HHAT: variants seen among roughly 807,000 people sequenced by gnomAD.
HHAT encodes the protein protein-cysteine N-palmitoyltransferase HHAT.
Under a neutral mutation model 70.8 loss-of-function variants are expected in HHAT, and 47 were observed. The observed-to-expected ratio is 0.66, with a 90% CI of 0.53 to 0.85. The LOEUF is 0.85. Ranked by LOEUF, HHAT falls within the 40% of genes least tolerant of loss-of-function variation. The pLI, the probability that HHAT is intolerant of heterozygous loss-of-function variation, is 0.00. For synonymous variants in HHAT, 228 were observed against 247.6 expected (o/e 0.92, Z 0.74); for missense variants, 609 against 604.8 (o/e 1.01, Z -0.07).
At chr1:210,524,171 G>A (rs186473261) in intron 9 of HHAT, among the ~76,000 whole-genome samples, 14 of 152,330 alleles carry the variant, frequency 9.2e-5, no homozygotes, top group South Asian at 4.1e-4. Context: ...ACTGTACAGC[G>A]TGTGCCTGTA....
intron 11 of HHAT, among the ~76,000 whole-genome samples, chr1:210,635,386 A>T (rs970591739): frequency 2.6e-5 from 4 of 152,242 alleles, no homozygotes; most frequent in Non-Finnish European, 1.5e-5. Context: ...TGTGCACTTC[A>T]TCCTTAGTAG....
At chr1:210,376,814 G>A (rs1219557137) in intron 3 of HHAT, among the ~76,000 whole-genome samples, 3 of 152,248 alleles carry the variant, frequency 2.0e-5, no homozygotes, top group African/African-American at 7.2e-5. Context: ...TTCAGGCAGT[G>A]TGTAAAGTAG....
At chr1:210,344,267 TATGTTATTGTTTCATTGAAACA>T (rs6143598) in intron 1 of HHAT, among the ~76,000 whole-genome samples, 67,540 of 151,876 alleles carry the variant, frequency 0.44, 15,687 homozygotes, top group African/African-American at 0.56. Flanking sequence ...TTGTTGAAAC[TATGTTATTGTTTCATTGAAACA>T]ATGTTATTGT....
chr1:210,515,757 CAAAAAA>C (rs34971563), intron 9 of HHAT, among the ~76,000 whole-genome samples: 3 of 80,308 alleles, frequency 3.7e-5, no homozygotes, highest in South Asian at 9.0e-4. Flanking sequence ...GACTCCGTCT[CAAAAAA>C]AAAAAAAAAA....
intron 3 of HHAT, among the ~76,000 whole-genome samples, chr1:210,364,235 C>A (rs949607281): frequency 6.6e-6 from 1 of 152,036 alleles, no homozygotes; most frequent in African/African-American, 2.4e-5. Flanking sequence ...TTAAATAAGC[C>A]CTTTTTAGGA....
intron 9 of HHAT, among the ~76,000 whole-genome samples, chr1:210,553,020 C>A (rs991093034): frequency 6.6e-6 from 1 of 152,156 alleles, no homozygotes; most frequent in Non-Finnish European, 1.5e-5. Context: ...TCTTTATTCC[C>A]CCATTCAGGT....
chr1:210,387,754 C>T lies in HHAT; in HGVS notation c.273+173C>T, dbSNP rs182719023. Among the ~76,000 whole-genome samples, 229 of 152,218 alleles carry T rather than the reference C, an allele frequency of 1.5e-3. 1 individual carries two copies. The highest frequency in any genetic ancestry group is 0.014 in the Middle Eastern group (4 of 294). Reference sequence around the variant, plus strand: ...TAAGATAAAAGTTCATAGTTCATATCCTGCACTTGCTTTCTCCAACTTATT... The same window carrying T: ...TAAGATAAAAGTTCATAGTTCATATTCTGCACTTGCTTTCTCCAACTTATT... On this transcript the variant is annotated intron_variant, in intron 4 of 11. Coordinates refer to ENST00000261458, the MANE Select transcript of HHAT (RefSeq NM_018194.6).
At chr1:210,390,187 GAAAACA>G (rs1360011302) in intron 4 of HHAT, among the ~76,000 whole-genome samples, 1 of 151,954 alleles carries the variant, frequency 6.6e-6, no homozygotes, top group Non-Finnish European at 1.5e-5. Context: ...AGAAATAGAG[GAAAACA>G]AAAACCAAAA....
At chr1:210,639,253 C>T (rs1672522329) in intron 11 of HHAT, among the ~76,000 whole-genome samples, 2 of 152,114 alleles carry the variant, frequency 1.3e-5, no homozygotes, top group African/African-American at 4.8e-5. Context: ...CTTCCTCCCT[C>T]ACTCTGTCAA....
chr1:210,401,439 T>C (rs1411098576), intron 5 of HHAT, among the ~76,000 whole-genome samples: 2 of 152,274 alleles, frequency 1.3e-5, no homozygotes, highest in Admixed American at 6.5e-5. Flanking sequence ...TATCTACTCA[T>C]GTGACCCAGT....
chr1:210,629,821 G>A (rs1468494595), intron 11 of HHAT, among the ~76,000 whole-genome samples: 2 of 49,960 alleles, frequency 4.0e-5, no homozygotes, highest in African/African-American at 5.4e-5. Flanking sequence ...GTCTCCTCCT[G>A]TTTCTGTTTT....
intron 1 of HHAT, among the ~76,000 whole-genome samples, chr1:210,344,783 A>C (rs2086361974): frequency 6.6e-6 from 1 of 152,082 alleles, no homozygotes; most frequent in African/African-American, 2.4e-5. Flanking sequence ...GCACCTGTGA[A>C]AATCTCCCCT....
chr1:210,474,248 C>T (rs2094261120), intron 8 of HHAT, among the ~76,000 whole-genome samples: 1 of 152,148 alleles, frequency 6.6e-6, no homozygotes, highest in Admixed American at 6.5e-5. Flanking sequence ...TGAAAGAATG[C>T]ATGATCCTTC....
chr1:210,517,405 C>T (rs2095075341), intron 9 of HHAT, among the ~76,000 whole-genome samples: 1 of 152,154 alleles, frequency 6.6e-6, no homozygotes, highest in African/African-American at 2.4e-5. Flanking sequence ...TGAGCTACTG[C>T]ACCTGGCCAG....
chr1:210,409,366 G>A (rs2092448372), intron 6 of HHAT, among the ~76,000 whole-genome samples: 1 of 152,188 alleles, frequency 6.6e-6, no homozygotes. Flanking sequence ...TGAAGGTCTG[G>A]AGGCTCAAGC....
chr1:210,444,523 C>T (rs372719617), intron 7 of HHAT, among the ~76,000 whole-genome samples: 1 of 144,062 alleles, frequency 6.9e-6, no homozygotes, highest in Non-Finnish European at 1.5e-5. Flanking sequence ...ACAATTTCAG[C>T]TCCTGTTATT....
intron 10 of HHAT, among the ~76,000 whole-genome samples, chr1:210,615,414 G>A (rs757848609): frequency 2.6e-5 from 4 of 152,154 alleles, no homozygotes; most frequent in African/African-American, 4.8e-5. Context: ...AAGTTTGATC[G>A]TCTGAAGCCT....
intron 3 of HHAT, among the ~76,000 whole-genome samples, chr1:210,387,098 T>C (rs1288296672): frequency 6.6e-6 from 1 of 152,138 alleles, no homozygotes; most frequent in African/African-American, 2.4e-5. Flanking sequence ...GGTAAATGAA[T>C]TGAGTTCCTT....
chr1:210,328,786 C>A (rs772199660), upstream of HHAT: 10 of 357,870 alleles, frequency 2.8e-5, no homozygotes, highest in Non-Finnish European at 5.0e-5. Context: ...GCCGGCGGGG[C>A]AAACGCGGTT....
Sources: allele counts gnomAD v4.1 joint callset (sites outside exome capture counted in the v4.1 genomes callset), GRCh38; gene constraint gnomAD v4.1.1; transcripts MANE v1.5; gene names NCBI Gene and HGNC (gene_info 2026-07-23, HGNC 2026-07-21).